Variants in ADCY3 observed in about 807,000 individuals in gnomAD.
ADCY3 encodes adenylate cyclase 3, also known as adenylate cyclase type 3.
In ADCY3, 70 loss-of-function variants were observed where a neutral mutation model predicts 119.4. That is an observed-to-expected ratio of 0.59 (90% confidence interval 0.48 to 0.72). The LOEUF is 0.72. Among genes scored for constraint, ADCY3 ranks in the 30% least tolerant of loss-of-function variants. The pLI, the probability that ADCY3 is intolerant of heterozygous loss-of-function variation, is 0.00. For synonymous variants in ADCY3, 672 were observed against 621.4 expected (o/e 1.08, Z -1.21); for missense variants, 1,238 against 1,541.6 (o/e 0.80, Z 3.30).
At chr2:24,831,614 C>T (rs778663708) in intron 12 of ADCY3, 48 bp downstream of exon 12, 6 of 1,429,576 alleles carry the variant, frequency 4.2e-6, no homozygotes, top group African/African-American at 1.4e-5. Flanking sequence ...ACAGGGAGTG[C>T]CACTCACTTC....
intron 3 of ADCY3, among the ~76,000 whole-genome samples, chr2:24,854,114 C>A (rs1300949553): frequency 6.6e-6 from 1 of 152,186 alleles, no homozygotes; most frequent in Non-Finnish European, 1.5e-5. Context: ...GGTGGCTTCA[C>A]TCTTGGACTG....
At chr2:24,867,996 C>G (rs1438214896) in intron 3 of ADCY3, among the ~76,000 whole-genome samples, 1 of 152,026 alleles carries the variant, frequency 6.6e-6, no homozygotes, top group Non-Finnish European at 1.5e-5. Context: ...ACATAGTTGA[C>G]ATTATTTCAT....
Position 24,846,348 on chromosome 2 carries a change from G to A in ADCY3, c.826-3964C>T, listed in dbSNP as rs556287032. Among the ~76,000 whole-genome samples, 16 of 152,302 alleles carry A rather than the reference G, an allele frequency of 1.1e-4. No individual in the cohort carries two copies. In the South Asian group the frequency reaches 1.2e-3, roughly 12 times the overall value. On this transcript the variant is annotated intron_variant, in intron 3 of 21. Transcript: ENST00000679454. ...CAAAGCCCCAGGGGCAGAGCTGCCCGAGACTATGGGAACCTGCCTCTTACA... is the reference window on the plus strand; with the variant it reads ...CAAAGCCCCAGGGGCAGAGCTGCCCAAGACTATGGGAACCTGCCTCTTACA...
At chr2:24,901,417 G>A (rs184806170) in intron 2 of ADCY3, among the ~76,000 whole-genome samples, 10 of 152,234 alleles carry the variant, frequency 6.6e-5, no homozygotes, top group East Asian at 1.9e-4. Context: ...GAAAGAAAGC[G>A]CGTTGTTTCT....
chr2:24,884,633 C>T (rs1029650313), intron 2 of ADCY3, among the ~76,000 whole-genome samples: 1 of 152,034 alleles, frequency 6.6e-6, no homozygotes, highest in Middle Eastern at 3.4e-3. Context: ...CCCGCCACCA[C>T]GCCCGGCTAA....
intron 3 of ADCY3, among the ~76,000 whole-genome samples, chr2:24,869,626 G>C (rs1203834363): frequency 6.6e-6 from 1 of 151,996 alleles, no homozygotes. Flanking sequence ...GGCTGGTCTT[G>C]AACTCCTGGA....
intron 2 of ADCY3, among the ~76,000 whole-genome samples, chr2:24,905,027 C>T (rs1409744699): frequency 2.0e-5 from 3 of 152,120 alleles, no homozygotes; most frequent in South Asian, 2.1e-4. Context: ...TTAACCAAAG[C>T]CCTGTCCAGC....
intron 2 of ADCY3, among the ~76,000 whole-genome samples, chr2:24,895,774 T>G (rs1678196375): frequency 6.6e-6 from 1 of 152,100 alleles, no homozygotes; most frequent in Non-Finnish European, 1.5e-5. Flanking sequence ...CACAGGCACA[T>G]GCCACCACTC....
At chr2:24,887,279 T>C (rs1209351380) in intron 2 of ADCY3, among the ~76,000 whole-genome samples, 1 of 152,066 alleles carries the variant, frequency 6.6e-6, no homozygotes, top group Middle Eastern at 3.2e-3. Flanking sequence ...CACCCCATGA[T>C]TCAACTACCT....
At chr2:24,903,723 G>T (rs1387086833) in intron 2 of ADCY3, among the ~76,000 whole-genome samples, 1 of 152,168 alleles carries the variant, frequency 6.6e-6, no homozygotes, top group East Asian at 1.9e-4. Context: ...GTAGGAGGGT[G>T]CGGGGGCACC....
intron 18 of ADCY3, 112 bp from the exon 19 acceptor site, chr2:24,822,742 C>G (rs1667966177): frequency 1.5e-5 from 21 of 1,406,950 alleles, no homozygotes; most frequent in Admixed American, 2.3e-5. Flanking sequence ...GAGACACTTT[C>G]CTATCAAAGT....
At chr2:24,914,600 G>A (rs1235137369) in intron 2 of ADCY3, among the ~76,000 whole-genome samples, 3 of 151,752 alleles carry the variant, frequency 2.0e-5, no homozygotes, top group Non-Finnish European at 2.9e-5. Flanking sequence ...ACTTGAACCC[G>A]GGAGGAGGAG....
At position 24,899,144 on chromosome 2, in the gene ADCY3, CT is replaced by C. The variant is rs1380339414; in HGVS notation, c.675+19168del. On this transcript the variant is annotated intron_variant, in intron 2 of 21. Transcript: ENST00000679454. This position sits in a 1 kb window ranked among gnomAD's most constrained non-coding sequence, Gnocchi z 4.5. ...GGCAGAGCCACTAGGCAGTTGCCAA[CT>C]GCCTAGGCAACTCCCTAGGCAGCTG... Among the ~76,000 whole-genome samples the C allele has an allele frequency of 1.2e-4, 19 of 152,270 alleles. No individual in the cohort carries two copies. In the South Asian group the frequency reaches 3.7e-3, roughly 30 times the overall value.
chr2:24,820,169 G>A, intron 21 of ADCY3, 55 bp from the exon 22 acceptor site: 1 of 1,339,258 alleles, frequency 7.5e-7, no homozygotes, highest in South Asian at 1.4e-5. Context: ...CTAGACTGAG[G>A]GCGGGTGGGG....
chr2:24,827,656 C>G, intron 14 of ADCY3, 48 bp from the exon 15 acceptor site: 1 of 1,554,160 alleles, frequency 6.4e-7, no homozygotes, highest in Non-Finnish European at 8.7e-7. Context: ...GGAACAAGAG[C>G]CTGATGCCCA....
intron 7 of ADCY3, chr2:24,839,018 G>T: frequency 6.1e-6 from 4 of 659,974 alleles, no homozygotes; most frequent in Non-Finnish European, 9.1e-6. Context: ...TCTTGGCTCA[G>T]TGCAACCTCT....
chr2:24,831,647 A>G lies in ADCY3; in HGVS notation c.2055+15T>C. ...TTCCAGAGGCTTCTGAGCTCAGTAG[A>G]AAAGTGCCTCTTACCCGGGGAAAGA... On this transcript the variant is annotated intron_variant, in intron 12 of 21. Coordinates refer to ENST00000679454, the MANE Select transcript of ADCY3 (RefSeq NM_004036.5). The G allele has an allele frequency of 1.9e-6, 3 of 1,610,362 alleles. No homozygotes were observed. In the South Asian group the frequency reaches 3.3e-5, roughly 18 times the overall value.
At chr2:24,853,835 T>C (rs796497278) in intron 3 of ADCY3, among the ~76,000 whole-genome samples, 11 of 152,346 alleles carry the variant, frequency 7.2e-5, no homozygotes, top group African/African-American at 2.6e-4. Context: ...TTCATCGCTA[T>C]TCAATGCCCA....
intron 20 of ADCY3, 189 bp from the exon 21 acceptor site, chr2:24,821,037 G>C: frequency 1.3e-6 from 1 of 760,940 alleles, no homozygotes; most frequent in Non-Finnish European, 2.0e-6. Context: ...CTTGTTAGGT[G>C]TCAGCCGCCA....
Sources: allele counts gnomAD v4.1 joint callset (sites outside exome capture counted in the v4.1 genomes callset), GRCh38; gene constraint gnomAD v4.1.1; non-coding constraint Gnocchi (gnomAD v3.1); transcripts MANE v1.5; gene names NCBI Gene and HGNC (gene_info 2026-07-23, HGNC 2026-07-21).